The following ALCAM variants were observed in gnomAD, a reference collection of about 807,000 sequenced individuals.
ALCAM encodes CD166 antigen.
A neutral mutation model predicts 70.9 loss-of-function variants in ALCAM; 30 were observed. The ratio of observed to expected loss-of-function variants is 0.42; its 90% CI spans 0.32 to 0.57. The LOEUF (loss-of-function observed/expected upper bound fraction) is 0.57, where lower values mean the gene tolerates loss of function less well. Among genes scored for constraint, ALCAM ranks in the 20% least tolerant of loss-of-function variants. The pLI is 0.11. For missense variants in ALCAM, 591 were observed against 695.1 expected, an observed-to-expected ratio of 0.85 and a Z score of 1.68; for synonymous variants, 249 against 242.5, an observed-to-expected ratio of 1.03 and a Z score of -0.25.
chr3:105,431,564 G>A (rs1936933563), intron 1 of ALCAM, among the ~76,000 whole-genome samples: 1 of 152,116 alleles, frequency 6.6e-6, no homozygotes, highest in African/African-American at 2.4e-5. Flanking sequence ...GTGAGCCCAA[G>A]TTCAAGAAGT....
intron 4 of ALCAM, among the ~76,000 whole-genome samples, chr3:105,532,821 T>A (rs1939873454): frequency 6.6e-6 from 1 of 152,118 alleles, no homozygotes; most frequent in Non-Finnish European, 1.5e-5. Flanking sequence ...AAAAGTTGGA[T>A]CATGACAAAT....
At chr3:105,539,163 T>C (rs1184201926) in intron 6 of ALCAM, among the ~76,000 whole-genome samples, 1 of 152,132 alleles carries the variant, frequency 6.6e-6, no homozygotes, top group East Asian at 1.9e-4. Context: ...AATTTATTAT[T>C]CATTGTATTA....
intron 1 of ALCAM, among the ~76,000 whole-genome samples, chr3:105,460,204 A>T (rs933980835): frequency 1.3e-5 from 2 of 152,004 alleles, no homozygotes; most frequent in African/African-American, 4.8e-5. Flanking sequence ...TGTCGTTATG[A>T]AATCCACTCT....
chr3:105,502,747 A>T (rs1467555712), intron 1 of ALCAM, among the ~76,000 whole-genome samples: 2 of 152,232 alleles, frequency 1.3e-5, no homozygotes. Context: ...GTCAAAACTG[A>T]AATTCACTAG....
intron 14 of ALCAM, among the ~76,000 whole-genome samples, chr3:105,561,465 G>T (rs1940630310): frequency 1.3e-5 from 2 of 152,062 alleles, no homozygotes; most frequent in South Asian, 2.1e-4. Context: ...GTCTTAGAGG[G>T]GAAATTGCTC....
intron 1 of ALCAM, among the ~76,000 whole-genome samples, chr3:105,377,605 T>C (rs563085903): frequency 2.0e-5 from 3 of 152,176 alleles, no homozygotes; most frequent in Admixed American, 2.0e-4. Flanking sequence ...TACACTCACA[T>C]ACAAGGCAAA....
intron 1 of ALCAM, among the ~76,000 whole-genome samples, chr3:105,473,745 T>C (rs1559803540): frequency 6.6e-6 from 1 of 151,476 alleles, no homozygotes; most frequent in African/African-American, 2.4e-5. Flanking sequence ...TGTATAGGGC[T>C]CCCATCCACA....
chr3:105,408,834 G>T (rs924313958), intron 1 of ALCAM, among the ~76,000 whole-genome samples: 9 of 151,714 alleles, frequency 5.9e-5, no homozygotes, highest in African/African-American at 2.2e-4. Flanking sequence ...AATCTACAAA[G>T]AATTCAAATA....
chr3:105,393,202 A>G (rs1049697854), intron 1 of ALCAM, among the ~76,000 whole-genome samples: 27 of 151,768 alleles, frequency 1.8e-4, no homozygotes, highest in South Asian at 8.3e-4. Context: ...ATATTAGTCT[A>G]TGTTTAAGTT....
chr3:105,450,827 G>A (rs1937409340), intron 1 of ALCAM, among the ~76,000 whole-genome samples: 1 of 152,130 alleles, frequency 6.6e-6, no homozygotes, highest in Admixed American at 6.5e-5. Flanking sequence ...AAAGTAGTAT[G>A]TAAATTTAGA....
Position 105,367,325 on chromosome 3 carries a change from G to A in ALCAM, c.-84G>A. ...GCTGCCCCTGCGTCGGGACCCGCCAGCGCGCGGGCACCGCGGGGCCCGGGA... is the reference window on the plus strand; with the variant it reads ...GCTGCCCCTGCGTCGGGACCCGCCAACGCGCGGGCACCGCGGGGCCCGGGA... On this transcript the variant is annotated 5_prime_UTR_variant, in exon 1 of 16. Coordinates refer to ENST00000306107, the MANE Select transcript of ALCAM (RefSeq NM_001627.4). The A allele has an allele frequency of 6.9e-7, 1 of 1,448,014 alleles. No homozygotes were observed. Among genetic ancestry groups the A allele is most frequent in the Non-Finnish European group, 9.6e-7 (1 of 1,043,988 alleles). The allele number at this position is 1,448,014 out of a possible 1,614,324, so 89.7% of individuals were successfully genotyped here. A position where few individuals can be genotyped will look rare whatever the true frequency, so the allele number is the denominator to read the frequency against.
chr3:105,424,823 G>A (rs1212210941), intron 1 of ALCAM, among the ~76,000 whole-genome samples: 3 of 151,702 alleles, frequency 2.0e-5, no homozygotes, highest in Non-Finnish European at 3.0e-5. Context: ...CAAATGATAC[G>A]TTGATAGACT....
chr3:105,572,440 T>C (rs1447111685), intron 15 of ALCAM, among the ~76,000 whole-genome samples: 4 of 152,300 alleles, frequency 2.6e-5, no homozygotes, highest in African/African-American at 7.2e-5. Context: ...TGAATAGTAT[T>C]CCATGGTGTA....
Position 105,540,060 on chromosome 3 carries a change from G to T in ALCAM, c.816G>T (p.Gly272=). The T allele has an allele frequency of 6.2e-7, 1 of 1,612,462 alleles. No homozygotes were observed. Among genetic ancestry groups the T allele is most frequent in the East Asian group, 2.2e-5 (1 of 44,818 alleles). ...EGDNITLKCL[G]NGNPPPEEFL... ...ATAACATCACTCTTAAATGCTTAGG[G>T]AATGGCAACCCTCCCCCAGAGGAAT... The change falls in exon 7 of 16, where the codon GGG becomes GGT. Residue 272 remains glycine (G), a synonymous_variant. Coordinates refer to ENST00000306107, the MANE Select transcript of ALCAM (RefSeq NM_001627.4).
intron 1 of ALCAM, among the ~76,000 whole-genome samples, chr3:105,466,368 C>G (rs893306035): frequency 4.6e-5 from 7 of 151,468 alleles, no homozygotes; most frequent in African/African-American, 1.2e-4. Flanking sequence ...AGAGATCAGG[C>G]AAAAGCATTC....
chr3:105,450,342 G>A (rs1286780650), intron 1 of ALCAM, among the ~76,000 whole-genome samples: 1 of 152,072 alleles, frequency 6.6e-6, no homozygotes, highest in Non-Finnish European at 1.5e-5. Context: ...TCCAGAGCAG[G>A]GACGTTTTGA....
chr3:105,431,345 G>A (rs1458173085), intron 1 of ALCAM, among the ~76,000 whole-genome samples: 1 of 152,084 alleles, frequency 6.6e-6, no homozygotes. Flanking sequence ...AGGTGGAGTG[G>A]TCACAGGGGG....
intron 3 of ALCAM, among the ~76,000 whole-genome samples, chr3:105,530,418 T>C (rs755062166): frequency 1.3e-5 from 2 of 152,046 alleles, no homozygotes; most frequent in Non-Finnish European, 2.9e-5. Flanking sequence ...CTGGTGTCTA[T>C]TTTGAGAAGC....
chr3:105,414,946 G>A (rs1270540304), intron 1 of ALCAM, among the ~76,000 whole-genome samples: 1 of 152,084 alleles, frequency 6.6e-6, no homozygotes, highest in African/African-American at 2.4e-5. Flanking sequence ...GGAAGCTAAT[G>A]TGAAGATAAG....
Sources: allele counts gnomAD v4.1 joint callset (sites outside exome capture counted in the v4.1 genomes callset), GRCh38; gene constraint gnomAD v4.1.1; transcripts MANE v1.5; gene names NCBI Gene and HGNC (gene_info 2026-07-23, HGNC 2026-07-21).